Variants in CSMD1 observed in about 807,000 individuals in gnomAD.
CSMD1 encodes the protein CUB and sushi domain-containing protein 1.
In CSMD1, 213 loss-of-function variants were observed where a neutral mutation model predicts 417.5. The ratio of observed to expected loss-of-function variants is 0.51; its 90% CI spans 0.46 to 0.57. The LOEUF (loss-of-function observed/expected upper bound fraction) is 0.57, where lower values mean the gene tolerates loss of function less well. Among genes scored for constraint, CSMD1 ranks in the 20% least tolerant of loss-of-function variants. The pLI is 0.00. For synonymous variants in CSMD1, 2,862 were observed against 1,736.8 expected, an observed-to-expected ratio of 1.65 and a Z score of -16.11; for missense variants, 6,923 against 4,529.7, an observed-to-expected ratio of 1.53 and a Z score of -15.17.
rs182171425 is a variant in CSMD1, at chr8:4,848,467, T to C, written c.85+145865A>G. ...TGCATTACTCATGGGTTTGTTGTGA[T>C]GTTGGTGCAAACAAATCTATCGTGC... is the stretch of plus-strand genomic sequence containing the variant. On this transcript the variant is annotated intron_variant, in intron 1 of 69. Coordinates refer to ENST00000635120, the MANE Select transcript of CSMD1 (RefSeq NM_033225.6). 4.3e-3 allele frequency among the ~76,000 whole-genome samples: 662 copies of C among 152,336 alleles called. 4 individuals carry two copies. Among genetic ancestry groups the C allele is most frequent in the African/African-American group, 0.015 (606 of 41,582 alleles).
At chr8:3,141,523 C>T (rs889265295) in intron 41 of CSMD1, among the ~76,000 whole-genome samples, 3 of 152,130 alleles carry the variant, frequency 2.0e-5, no homozygotes, top group East Asian at 3.9e-4. Flanking sequence ...GTTTAGGGGT[C>T]ATGCAGCCTC....
At position 4,797,593 on chromosome 8, in the gene CSMD1, G is replaced by A. The variant is rs138115031; in HGVS notation, c.86-160035C>T. 5.1e-3 allele frequency among the ~76,000 whole-genome samples: 772 copies of A among 152,252 alleles called. 9 individuals carry two copies. Among genetic ancestry groups the A allele is most frequent in the African/African-American group, 0.018 (753 of 41,550 alleles). On this transcript the variant is annotated intron_variant, in intron 1 of 69. Coordinates refer to ENST00000635120, the MANE Select transcript of CSMD1 (RefSeq NM_033225.6). ...TATAAAAGTACGAAATTATTCCAGGGTATGGGGGGAGAGAGAAAAAGAGAT... is the reference window on the plus strand; with the variant it reads ...TATAAAAGTACGAAATTATTCCAGGATATGGGGGGAGAGAGAAAAAGAGAT...
chr8:3,724,105 C>T (rs530055582), intron 6 of CSMD1, among the ~76,000 whole-genome samples: 55 of 144,772 alleles, frequency 3.8e-4, no homozygotes, highest in African/African-American at 1.3e-3. Flanking sequence ...ACATTAAATA[C>T]GAAAGCAGAT....
At chr8:3,027,988 T>C (rs554609006) in intron 51 of CSMD1, among the ~76,000 whole-genome samples, 1 of 152,240 alleles carries the variant, frequency 6.6e-6, no homozygotes, top group South Asian at 2.1e-4. Context: ...GCATGGAAGA[T>C]TGTCACGCAG....
At chr8:4,553,034 T>C (rs1252360905) in intron 2 of CSMD1, among the ~76,000 whole-genome samples, 2 of 152,240 alleles carry the variant, frequency 1.3e-5, no homozygotes, top group Admixed American at 6.5e-5. Context: ...AGCACGTTAA[T>C]AATAAGCTCA....
chr8:4,000,893 T>G (rs1256352700), intron 4 of CSMD1, among the ~76,000 whole-genome samples: 11 of 152,088 alleles, frequency 7.2e-5, no homozygotes, highest in Non-Finnish European at 1.6e-4. Flanking sequence ...ATGTGTGGAA[T>G]TAAAAGAAAA....
chr8:3,221,725 G>A (rs1296970646), intron 28 of CSMD1, among the ~76,000 whole-genome samples: 6 of 151,956 alleles, frequency 3.9e-5, no homozygotes, highest in Admixed American at 6.6e-5. Context: ...GCCAAAGCCT[G>A]ACTCAAATTG....
At chr8:4,166,904 T>C (rs1183673201) in intron 3 of CSMD1, among the ~76,000 whole-genome samples, 1 of 152,208 alleles carries the variant, frequency 6.6e-6, no homozygotes, top group Non-Finnish European at 1.5e-5. Context: ...AGCAGCAGCC[T>C]CATTTTGAAT....
chr8:3,651,605 G>A (rs1356853547), intron 7 of CSMD1, among the ~76,000 whole-genome samples: 2 of 152,000 alleles, frequency 1.3e-5, no homozygotes, highest in Non-Finnish European at 2.9e-5. Context: ...CTGCCCCCCT[G>A]CACTCATTGT....
intron 3 of CSMD1, among the ~76,000 whole-genome samples, chr8:4,194,204 A>T (rs566922432): frequency 6.6e-6 from 1 of 152,266 alleles, no homozygotes; most frequent in African/African-American, 2.4e-5. Flanking sequence ...GACACTACTA[A>T]ATTTCTTTCG....
intron 1 of CSMD1, among the ~76,000 whole-genome samples, chr8:4,934,547 A>G (rs1242927160): frequency 1.3e-5 from 2 of 152,140 alleles, no homozygotes; most frequent in Admixed American, 6.5e-5. Flanking sequence ...GCTACTAGGA[A>G]CGAGATGGAG....
intron 50 of CSMD1, among the ~76,000 whole-genome samples, chr8:3,046,491 G>A (rs888302148): frequency 2.6e-5 from 4 of 152,094 alleles, no homozygotes; most frequent in African/African-American, 9.7e-5. Context: ...AGCTAACAGT[G>A]CGCTCAAATC....
intron 1 of CSMD1, among the ~76,000 whole-genome samples, chr8:4,765,562 G>T (rs1411075382): frequency 6.6e-6 from 1 of 152,190 alleles, no homozygotes; most frequent in Non-Finnish European, 1.5e-5. Flanking sequence ...CTCACTAATT[G>T]ATCAACTGAG....
At chr8:3,590,305 C>T (rs1800792189) in intron 8 of CSMD1, among the ~76,000 whole-genome samples, 1 of 152,066 alleles carries the variant, frequency 6.6e-6, no homozygotes, top group Non-Finnish European at 1.5e-5. Flanking sequence ...GATTCTATTA[C>T]TTTATAATTT....
At chr8:3,652,768 G>T (rs1288294428) in intron 7 of CSMD1, among the ~76,000 whole-genome samples, 1 of 152,112 alleles carries the variant, frequency 6.6e-6, no homozygotes, top group African/African-American at 2.4e-5. Flanking sequence ...GTGAGATTTG[G>T]CTGGGAAAAC....
rs544180781 is a variant in CSMD1 at position 4,756,454 on chromosome 8, G to T, written c.86-118896C>A. Among the ~76,000 whole-genome samples the T allele has an allele frequency of 4.0e-3, 616 of 152,210 alleles. 7 individuals are homozygous for T. The highest frequency in any genetic ancestry group is 0.017 in the Middle Eastern group (5 of 294). Reference sequence around the variant, plus strand: ...CAGTCCAGTTTCCTAAACGCTAAAAGTTAATTTGGGGAGGAAATAAATTAT... The same window carrying T: ...CAGTCCAGTTTCCTAAACGCTAAAATTTAATTTGGGGAGGAAATAAATTAT... On this transcript the variant is annotated intron_variant, in intron 1 of 69. Coordinates refer to ENST00000635120, the MANE Select transcript of CSMD1 (RefSeq NM_033225.6).
intron 3 of CSMD1, among the ~76,000 whole-genome samples, chr8:4,173,371 G>C (rs538967174): frequency 6.6e-6 from 1 of 152,220 alleles, no homozygotes; most frequent in African/African-American, 2.4e-5. Context: ...CTGAACAGAA[G>C]ATGAGACAGA....
chr8:3,551,597 T>TATATATATA (rs1491324597), intron 10 of CSMD1, among the ~76,000 whole-genome samples: 80 of 90,592 alleles, frequency 8.8e-4, no homozygotes, highest in Middle Eastern at 5.8e-3. Flanking sequence ...TATATATATA[T>TATATATATA]TTTTTTTTTT....
chr8:4,742,096 T>C (rs1810650816), intron 1 of CSMD1, among the ~76,000 whole-genome samples: 1 of 136,392 alleles, frequency 7.3e-6, no homozygotes, highest in African/African-American at 2.7e-5. Context: ...AGTGGCGCAA[T>C]CTCGGCTCAC....
Sources: gnomAD v4.1 joint callset for allele counts (sites outside exome capture counted in the v4.1 genomes callset) on GRCh38, gnomAD v4.1.1 for gene constraint, MANE v1.5 for transcripts, NCBI Gene and HGNC (gene_info 2026-07-23, HGNC 2026-07-21) for gene names.